The following CENPW variants were observed in gnomAD, a reference collection of about 807,000 sequenced individuals.
The protein encoded by CENPW is cancer-up-regulated gene 2 protein.
CENPW carries 3 observed loss-of-function variants against 11.1 expected under a neutral mutation model. That is an observed-to-expected ratio of 0.27 (90% CI 0.12 to 0.70). The LOEUF (loss-of-function observed/expected upper bound fraction) is 0.70, where lower values mean the gene tolerates loss of function less well. CENPW is among the 30% of genes least tolerant of loss of function. The probability of loss-of-function intolerance (pLI) is 0.77; values close to 1 mark genes in which losing one functional copy is unlikely to be tolerated. For missense variants in CENPW, 100 were observed against 105.6 expected (o/e 0.95, Z 0.23); for synonymous variants, 38 against 42.0 (o/e 0.91, Z 0.37).
the CENPW span, among the ~76,000 whole-genome samples, chr6:126,455,371 G>A: frequency 1.3e-5 from 2 of 151,214 alleles, no homozygotes; most frequent in Non-Finnish European, 3.0e-5. Flanking sequence ...TGATCAAGTA[G>A]GTGGATTTGC....
chr6:126,427,305 A>G, the CENPW span, among the ~76,000 whole-genome samples: 1 of 152,188 alleles, frequency 6.6e-6, no homozygotes, highest in South Asian at 2.1e-4. Flanking sequence ...TTAAAATTAC[A>G]TGGTAGAAGA....
At chr6:126,446,071 C>T in the CENPW span, among the ~76,000 whole-genome samples, 1 of 151,094 alleles carries the variant, frequency 6.6e-6, no homozygotes, top group Admixed American at 6.6e-5. Context: ...AACCCAGTGG[C>T]TCACATGACA....
the CENPW span, among the ~76,000 whole-genome samples, chr6:126,356,565 A>G: frequency 5.9e-5 from 9 of 152,298 alleles, no homozygotes; most frequent in Middle Eastern, 3.4e-3. Context: ...AATTGTGTAT[A>G]AGCATTCCCT....
the CENPW span, among the ~76,000 whole-genome samples, chr6:126,436,756 T>A: frequency 6.6e-6 from 1 of 151,814 alleles, no homozygotes; most frequent in African/African-American, 2.4e-5. Flanking sequence ...CCTAAATAAA[T>A]AAAAATAAAT....
the CENPW span, among the ~76,000 whole-genome samples, chr6:126,440,398 G>A: frequency 1.3e-5 from 2 of 151,528 alleles, no homozygotes; most frequent in Admixed American, 6.6e-5. Flanking sequence ...AGTGCCACTA[G>A]GAGTTATTAT....
chr6:126,382,548 A>C, the CENPW span, among the ~76,000 whole-genome samples: 1 of 152,162 alleles, frequency 6.6e-6, no homozygotes, highest in African/African-American at 2.4e-5. Flanking sequence ...TAAGAATCAC[A>C]ATAAAATGAT....
the CENPW span, among the ~76,000 whole-genome samples, chr6:126,437,105 T>C: frequency 4.0e-5 from 6 of 151,854 alleles, no homozygotes; most frequent in African/African-American, 1.4e-4. Context: ...AAAGTTTTCA[T>C]TGATTACGCA....
chr6:126,358,151 C>T, the CENPW span, among the ~76,000 whole-genome samples: 1 of 152,110 alleles, frequency 6.6e-6, no homozygotes, highest in African/African-American at 2.4e-5. Context: ...AGAATCATAT[C>T]GTTAGTAAAG....
At chr6:126,382,087 A>G in the CENPW span, among the ~76,000 whole-genome samples, 1 of 152,006 alleles carries the variant, frequency 6.6e-6, no homozygotes, top group Non-Finnish European at 1.5e-5. Flanking sequence ...TACAAAAACA[A>G]AACAACAATA....
chr6:126,401,989 G>A, the CENPW span, among the ~76,000 whole-genome samples: 5 of 151,960 alleles, frequency 3.3e-5, no homozygotes, highest in South Asian at 8.3e-4. Context: ...AAGTGCTCTC[G>A]TCACAGCCTC....
the CENPW span, among the ~76,000 whole-genome samples, chr6:126,451,264 A>C: frequency 6.6e-6 from 1 of 150,996 alleles, no homozygotes; most frequent in East Asian, 2.0e-4. Flanking sequence ...AAACTTTGAC[A>C]GAATGCATGG....
the CENPW span, among the ~76,000 whole-genome samples, chr6:126,472,927 A>G: frequency 6.6e-6 from 1 of 152,184 alleles, no homozygotes; most frequent in Admixed American, 6.5e-5. Flanking sequence ...GAGAATTTTT[A>G]TCTAATAGAA....
At chr6:126,348,327 T>G in intron 2 of CENPW, 139 bp from the exon 3 acceptor site, 1 of 563,308 alleles carries the variant, frequency 1.8e-6, no homozygotes, top group East Asian at 3.3e-5. Context: ...ACCTGGAAGG[T>G]GATTTCCAAT....
At chr6:126,389,023 T>C in the CENPW span, among the ~76,000 whole-genome samples, 3 of 152,008 alleles carry the variant, frequency 2.0e-5, no homozygotes, top group East Asian at 5.8e-4. Context: ...AAATTGTAGA[T>C]CTCATTCTGT....
At chr6:126,437,078 T>C in the CENPW span, among the ~76,000 whole-genome samples, 1 of 151,836 alleles carries the variant, frequency 6.6e-6, no homozygotes, top group Non-Finnish European at 1.5e-5. Flanking sequence ...TCGGTCAACC[T>C]GTATATGAGT....
downstream of CENPW, among the ~76,000 whole-genome samples, chr6:126,353,780 A>T (rs1488570127): frequency 6.6e-6 from 1 of 151,226 alleles, no homozygotes; most frequent in Non-Finnish European, 1.5e-5. Flanking sequence ...TTCCCATTGA[A>T]TTTTTTCTCT....
chr6:126,404,857 T>G, the CENPW span, among the ~76,000 whole-genome samples: 7 of 147,532 alleles, frequency 4.7e-5, no homozygotes, highest in Admixed American at 2.0e-4. Flanking sequence ...TATTTGGGTT[T>G]TTTTTTTTTT....
chr6:126,384,180 A>G, the CENPW span, among the ~76,000 whole-genome samples: 2 of 152,194 alleles, frequency 1.3e-5, no homozygotes, highest in Non-Finnish European at 2.9e-5. Flanking sequence ...TAAGGCAGAA[A>G]TCAAGAAGTT....
At chr6:126,447,744 T>G in the CENPW span, among the ~76,000 whole-genome samples, 1 of 151,124 alleles carries the variant, frequency 6.6e-6, no homozygotes, top group South Asian at 2.1e-4. Flanking sequence ...TCTGGCTCTA[T>G]GATTGCCATA....
Sources: gnomAD v4.1 joint callset for allele counts (sites outside exome capture counted in the v4.1 genomes callset) on GRCh38, gnomAD v4.1.1 for gene constraint, MANE v1.5 for transcripts, NCBI Gene and HGNC (gene_info 2026-07-23, HGNC 2026-07-21) for gene names.